MOCOS: variants seen among roughly 807,000 people sequenced by gnomAD.
MOCOS encodes molybdenum cofactor sulfurase.
MOCOS carries 86 observed loss-of-function variants against 83.6 expected under a neutral mutation model. That is an observed-to-expected ratio of 1.03 (90% CI 0.86 to 1.23). MOCOS has a LOEUF of 1.23. Among genes scored for constraint, MOCOS ranks in the 50% most tolerant of loss-of-function variants. The pLI, the probability that MOCOS is intolerant of heterozygous loss-of-function variation, is 0.00. For synonymous variants in MOCOS, 445 were observed against 434.7 expected (o/e 1.02, Z -0.29); for missense variants, 1,120 against 1,126.9 (o/e 0.99, Z 0.09).
intron 14 of MOCOS, 148 bp from the exon 15 acceptor site, chr18:36,268,385 C>T: frequency 3.1e-6 from 3 of 956,468 alleles, no homozygotes; most frequent in Non-Finnish European, 4.8e-6. Flanking sequence ...CCAGTGCATT[C>T]TACTGTGTAA....
intron 9 of MOCOS, among the ~76,000 whole-genome samples, chr18:36,226,975 C>G (rs559771676): frequency 1.3e-5 from 2 of 151,366 alleles, no homozygotes; most frequent in South Asian, 4.2e-4. Context: ...CAAACTCTGC[C>G]ACCTAGGCTC....
intron 1 of MOCOS, among the ~76,000 whole-genome samples, chr18:36,191,005 C>A (rs1175660134): frequency 7.6e-5 from 8 of 105,732 alleles, no homozygotes; most frequent in African/African-American, 2.0e-4. Context: ...GGTGGCAGAG[C>A]AAGACCCTAT....
intron 8 of MOCOS, among the ~76,000 whole-genome samples, chr18:36,217,758 T>C (rs1009420617): frequency 2.0e-5 from 3 of 152,200 alleles, no homozygotes; most frequent in African/African-American, 7.2e-5. Context: ...AAAACTGAAT[T>C]GGTCTTGTAG....
intron 9 of MOCOS, among the ~76,000 whole-genome samples, chr18:36,225,400 T>C (rs2091511717): frequency 6.6e-6 from 1 of 152,216 alleles, no homozygotes; most frequent in South Asian, 2.1e-4. Context: ...TCTGCCTGCC[T>C]TGGCCTCCCA....
rs781233778 is a variant in MOCOS, at chr18:36,215,525, G to T, written c.1345G>T (p.Val449Phe). The T allele has an allele frequency of 3.1e-6, 5 of 1,613,962 alleles. No homozygotes were observed. The highest frequency in any genetic ancestry group is 4.2e-6 in the Non-Finnish European group (5 of 1,179,970). The change falls in exon 8 of 15, where the codon GTC becomes TTC. Residue 449 changes from valine to phenylalanine, a missense_variant. Val to Phe is a conservative substitution (Grantham distance 50). Coordinates refer to ENST00000261326, the MANE Select transcript of MOCOS (RefSeq NM_017947.4). ...MVRKHFQAGH[V>F]CGDNMDLIDG... is the part of the protein sequence containing the mutation. ...TTCCCTCTTATCCTAGGCTGGTCAT[G>T]TCTGTGGGGACAATATGGACCTCAT...
chr18:36,194,983 G>A (rs185876457), intron 1 of MOCOS, among the ~76,000 whole-genome samples: 1 of 152,300 alleles, frequency 6.6e-6, no homozygotes, highest in Admixed American at 6.5e-5. Flanking sequence ...AATGTCTGCT[G>A]GGCGTCTTCT....
At chr18:36,203,645 G>C (rs140519650) in intron 5 of MOCOS, among the ~76,000 whole-genome samples, 1 of 152,226 alleles carries the variant, frequency 6.6e-6, no homozygotes, top group Non-Finnish European at 1.5e-5. Context: ...TTTAACCCAA[G>C]TCATACTGAT....
intron 5 of MOCOS, among the ~76,000 whole-genome samples, chr18:36,203,489 G>A (rs2091422635): frequency 6.6e-6 from 1 of 152,184 alleles, no homozygotes; most frequent in Non-Finnish European, 1.5e-5. Flanking sequence ...CCTGGGAATG[G>A]TTACAGATCC....
intron 11 of MOCOS, among the ~76,000 whole-genome samples, chr18:36,255,350 C>T (rs941742368): frequency 6.6e-6 from 1 of 152,172 alleles, no homozygotes; most frequent in African/African-American, 2.4e-5. Flanking sequence ...CATCATCTGT[C>T]TCTTGACAAC....
intron 9 of MOCOS, among the ~76,000 whole-genome samples, chr18:36,237,079 C>A (rs2091562343): frequency 6.8e-6 from 1 of 146,758 alleles, no homozygotes; most frequent in Non-Finnish European, 1.5e-5. Flanking sequence ...CATCTGCAAA[C>A]AGGGACAATT....
chr18:36,187,837 C>T (rs1376386059), intron 1 of MOCOS, among the ~76,000 whole-genome samples, 156 bp downstream of exon 1: 1 of 152,228 alleles, frequency 6.6e-6, no homozygotes, highest in Non-Finnish European at 1.5e-5. Flanking sequence ...GTAGACACGG[C>T]TCCCTGAGGT....
intron 1 of MOCOS, among the ~76,000 whole-genome samples, chr18:36,189,071 C>T (rs989959469): frequency 2.6e-5 from 4 of 150,952 alleles, no homozygotes; most frequent in Admixed American, 6.6e-5. Flanking sequence ...ATATCAGCAC[C>T]GCACCTCCTT....
intron 1 of MOCOS, among the ~76,000 whole-genome samples, chr18:36,193,049 C>T (rs1233620201): frequency 2.6e-5 from 4 of 151,906 alleles, no homozygotes; most frequent in African/African-American, 7.2e-5. Context: ...CGGTGGCTCA[C>T]GCCTGTAATC....
In MOCOS at chr18:36,188,641, T is replaced by G. The variant is rs2091352221; in HGVS notation, c.142+960T>G. Among the ~76,000 whole-genome samples the G allele has an allele frequency of 3.3e-5, 5 of 152,200 alleles. No individual in the cohort carries two copies. In the South Asian group the frequency reaches 1.0e-3, roughly 32 times the overall value. Reference sequence around the variant, plus strand: ...ATGAACAACTGGTGACTGCTCCCCTTCTGGGGGCAGAACAGCAACCATGAC... The same window carrying G: ...ATGAACAACTGGTGACTGCTCCCCTGCTGGGGGCAGAACAGCAACCATGAC... On this transcript the variant is annotated intron_variant, in intron 1 of 14. Transcript: ENST00000261326.
chr18:36,195,408 G>GT, intron 2 of MOCOS, 62 bp downstream of exon 2: 1 of 1,384,102 alleles, frequency 7.2e-7, no homozygotes, highest in Non-Finnish European at 1.0e-6. Flanking sequence ...ACCTGTGCAT[G>GT]TTAAACGCTG....
intron 1 of MOCOS, among the ~76,000 whole-genome samples, chr18:36,193,109 A>G (rs1441034080): frequency 2.0e-5 from 3 of 150,360 alleles, no homozygotes; most frequent in African/African-American, 7.3e-5. Flanking sequence ...CAGGAGATCG[A>G]GACCATCCTG....
intron 9 of MOCOS, among the ~76,000 whole-genome samples, chr18:36,237,327 G>C (rs2091563211): frequency 6.6e-6 from 1 of 151,692 alleles, no homozygotes; most frequent in South Asian, 2.1e-4. Context: ...AATTTATTGA[G>C]AGTTTTTAGC....
intron 6 of MOCOS, among the ~76,000 whole-genome samples, chr18:36,211,012 G>A (rs1403645923): frequency 6.6e-6 from 1 of 152,012 alleles, no homozygotes; most frequent in Non-Finnish European, 1.5e-5. Context: ...CTAGACACAG[G>A]ATGAGTTTCT....
intron 11 of MOCOS, among the ~76,000 whole-genome samples, chr18:36,255,425 C>G (rs587312): frequency 0.43 from 65,123 of 151,972 alleles, 14,465 homozygotes; most frequent in Admixed American, 0.55. Context: ...ACAGGAGGAT[C>G]ATTTGCCCAA....
Sources: allele counts gnomAD v4.1 joint callset (sites outside exome capture counted in the v4.1 genomes callset), GRCh38; gene constraint gnomAD v4.1.1; transcripts MANE v1.5; gene names NCBI Gene and HGNC (gene_info 2026-07-23, HGNC 2026-07-21).